Variants in ATXN1 observed in about 807,000 individuals in gnomAD.
ATXN1 encodes the protein ataxin 1.
ATXN1 carries 8 observed loss-of-function variants against 56.4 expected under a neutral mutation model. The ratio of observed to expected loss-of-function variants is 0.14; its 90% CI spans 0.08 to 0.26. The LOEUF (loss-of-function observed/expected upper bound fraction) is 0.26. Among genes scored for constraint, ATXN1 ranks in the 10% least tolerant of loss-of-function variants. The pLI is 1.00. For missense variants in ATXN1, 987 were observed against 1,106.5 expected (o/e 0.89, Z 1.53); for synonymous variants, 514 against 494.6 (o/e 1.04, Z -0.52).
chr6:16,393,527 G>C (rs1758396672), intron 6 of ATXN1, among the ~76,000 whole-genome samples: 1 of 152,178 alleles, frequency 6.6e-6, no homozygotes, highest in Admixed American at 6.5e-5. Flanking sequence ...GAACCATCAT[G>C]ATGGTTCATA....
At chr6:16,716,178 T>C (rs997470962) in intron 2 of ATXN1, among the ~76,000 whole-genome samples, 2 of 152,094 alleles carry the variant, frequency 1.3e-5, no homozygotes, top group Admixed American at 1.3e-4. Flanking sequence ...ACTCTTCTCA[T>C]CCAAACTTCC....
chr6:16,498,707 G>T (rs912610023), intron 5 of ATXN1, among the ~76,000 whole-genome samples: 44 of 152,240 alleles, frequency 2.9e-4, no homozygotes, highest in African/African-American at 9.9e-4. Flanking sequence ...CCATAATAAA[G>T]TGGTATCTCA....
chr6:16,375,144 C>T (rs949683647), intron 6 of ATXN1, among the ~76,000 whole-genome samples: 1 of 152,180 alleles, frequency 6.6e-6, no homozygotes, highest in Non-Finnish European at 1.5e-5. Context: ...ACAGCCTGGA[C>T]GTGTTCAGAC....
intron 3 of ATXN1, among the ~76,000 whole-genome samples, chr6:16,639,969 T>C (rs1211644112): frequency 1.3e-5 from 2 of 152,214 alleles, no homozygotes; most frequent in African/African-American, 4.8e-5. Flanking sequence ...AACGTTATTT[T>C]TTTTTAATGA....
At chr6:16,733,956 T>G (rs1760052080) in intron 2 of ATXN1, among the ~76,000 whole-genome samples, 1 of 151,688 alleles carries the variant, frequency 6.6e-6, no homozygotes, top group Admixed American at 6.6e-5. Flanking sequence ...AAAACCAGCC[T>G]GGCCAACATG....
At chr6:16,332,499 T>C (rs2073518) in intron 6 of ATXN1, among the ~76,000 whole-genome samples, 19,804 of 152,120 alleles carry the variant, frequency 0.13, 1,962 homozygotes, top group East Asian at 0.42. Context: ...TGTCCTGAAT[T>C]GCCCTCCCAG....
chr6:16,492,162 C>T (rs1224652976), intron 5 of ATXN1, among the ~76,000 whole-genome samples: 1 of 152,038 alleles, frequency 6.6e-6, no homozygotes, highest in East Asian at 1.9e-4. Context: ...CATGCCTGGA[C>T]TTCGCACCTC....
chr6:16,382,827 C>G (rs1758157469), intron 6 of ATXN1, among the ~76,000 whole-genome samples: 1 of 129,254 alleles, frequency 7.7e-6, no homozygotes. Flanking sequence ...AGCTGATGAG[C>G]TAAAAAAAAA....
intron 6 of ATXN1, among the ~76,000 whole-genome samples, chr6:16,477,405 A>G (rs937544582): frequency 6.6e-6 from 1 of 152,240 alleles, no homozygotes; most frequent in Non-Finnish European, 1.5e-5. Context: ...AAAGTCATTT[A>G]GTGCCAATTC....
chr6:16,509,563 C>T (rs1761041023), intron 5 of ATXN1, among the ~76,000 whole-genome samples: 1 of 152,144 alleles, frequency 6.6e-6, no homozygotes, highest in East Asian at 1.9e-4. Flanking sequence ...ACCTTCTGAT[C>T]CTTCTCTCTC....
intron 6 of ATXN1, among the ~76,000 whole-genome samples, chr6:16,450,794 A>C (rs184745066): frequency 1.3e-5 from 2 of 152,320 alleles, no homozygotes; most frequent in Admixed American, 1.3e-4. Flanking sequence ...AGGACCTTCT[A>C]GGTGAAGGAT....
intron 3 of ATXN1, among the ~76,000 whole-genome samples, chr6:16,614,358 A>T (rs370798170): frequency 7.1e-6 from 1 of 141,288 alleles, no homozygotes; most frequent in African/African-American, 2.7e-5. Context: ...ACTCAGCTCT[A>T]CCTCTTGGTG....
intron 2 of ATXN1, among the ~76,000 whole-genome samples, chr6:16,709,117 G>T (rs1218002624): frequency 6.6e-6 from 1 of 151,270 alleles, no homozygotes; most frequent in Non-Finnish European, 1.5e-5. Flanking sequence ...ATAATGAGAA[G>T]AACAGAAAGC....
intron 3 of ATXN1, among the ~76,000 whole-genome samples, chr6:16,590,844 A>ATTT (rs59157013): frequency 1.8e-3 from 243 of 135,806 alleles, no homozygotes; most frequent in African/African-American, 6.3e-3. Flanking sequence ...TAATTTTTTA[A>ATTT]TTTTTTTTTT....
intron 6 of ATXN1, among the ~76,000 whole-genome samples, chr6:16,406,917 C>T (rs117288265): frequency 1.3e-5 from 2 of 152,324 alleles, no homozygotes; most frequent in East Asian, 3.9e-4. Flanking sequence ...ACCCTGTCTC[C>T]TTTGTTCCGT....
At chr6:16,707,647 G>A (rs1284263172) in intron 2 of ATXN1, among the ~76,000 whole-genome samples, 2 of 152,160 alleles carry the variant, frequency 1.3e-5, no homozygotes, top group Non-Finnish European at 2.9e-5. Flanking sequence ...CATGTGATGG[G>A]GAATTCTTGC....
At chr6:16,446,911 A>C (rs1176000269) in intron 6 of ATXN1, among the ~76,000 whole-genome samples, 1 of 152,254 alleles carries the variant, frequency 6.6e-6, no homozygotes, top group Admixed American at 6.5e-5. Context: ...TATGGAAGAC[A>C]TGCTTGGTGA....
chr6:16,345,378 T>C (rs1259675710), intron 6 of ATXN1, among the ~76,000 whole-genome samples: 1 of 152,236 alleles, frequency 6.6e-6, no homozygotes, highest in Non-Finnish European at 1.5e-5. Flanking sequence ...AAGATTGTCT[T>C]AGGCTCAATC....
At chr6:16,340,639 C>T (rs1365160677) in intron 6 of ATXN1, among the ~76,000 whole-genome samples, 3 of 152,208 alleles carry the variant, frequency 2.0e-5, no homozygotes, top group African/African-American at 7.2e-5. Context: ...ACTTGCAATT[C>T]GTGGTGCAGG....
Sources: gnomAD v4.1 joint callset for allele counts (sites outside exome capture counted in the v4.1 genomes callset) on GRCh38, gnomAD v4.1.1 for gene constraint, MANE v1.5 for transcripts, NCBI Gene and HGNC (gene_info 2026-07-23, HGNC 2026-07-21) for gene names.